ALG12: variants seen among roughly 807,000 people sequenced by gnomAD.
The protein encoded by ALG12 is ALG12 alpha-1,6-mannosyltransferase, also known as dol-P-Man:Man(7)GlcNAc(2)-PP-Dol alpha-1,6-mannosyltransferase.
A neutral mutation model predicts 46.0 loss-of-function variants in ALG12; 36 were observed. That is an observed-to-expected ratio of 0.78 (90% CI 0.60 to 1.03). The LOEUF is 1.03. ALG12 is among the 50% of genes least tolerant of loss of function. The pLI is 0.00. For synonymous variants in ALG12, 326 were observed against 291.6 expected (o/e 1.12, Z -1.20); for missense variants, 599 against 633.5 (o/e 0.95, Z 0.58).
chr22:49,885,551 C>T, the ALG12 span: 169 of 1,604,878 alleles, frequency 1.1e-4, no homozygotes, highest in South Asian at 1.5e-4. Flanking sequence ...ACCCGGGTGC[C>T]GCGGGGCACA....
chr22:49,867,368 C>T, the ALG12 span, among the ~76,000 whole-genome samples: 158 of 152,266 alleles, frequency 1.0e-3, no homozygotes, highest in African/African-American at 3.1e-3. Flanking sequence ...TGCCAGGCGG[C>T]GGTGGGAGCG....
the ALG12 span, chr22:49,885,949 G>C: frequency 4.0e-6 from 3 of 746,212 alleles, no homozygotes; most frequent in East Asian, 7.4e-5. Context: ...GCGCTGTGAC[G>C]ACCACCACTG....
chr22:49,866,473 A>G, the ALG12 span, among the ~76,000 whole-genome samples: 1 of 151,616 alleles, frequency 6.6e-6, no homozygotes, highest in African/African-American at 2.4e-5. Flanking sequence ...CTTCTTTTTT[A>G]GGTCTTCATT....
At chr22:49,879,088 T>G in the ALG12 span, among the ~76,000 whole-genome samples, 1 of 147,986 alleles carries the variant, frequency 6.8e-6, no homozygotes, top group Non-Finnish European at 1.5e-5. Flanking sequence ...GAGGTTGCAG[T>G]GAGCCGAGAT....
intron 3 of ALG12, among the ~76,000 whole-genome samples, chr22:49,912,107 G>C (rs1288327393): frequency 6.9e-6 from 1 of 145,114 alleles, no homozygotes; most frequent in African/African-American, 2.6e-5. Context: ...ATCACCCTCG[G>C]CCCCGGGATC....
chr22:49,883,459 G>T, the ALG12 span: 1 of 625,022 alleles, frequency 1.6e-6, no homozygotes, highest in Non-Finnish European at 2.5e-6. Context: ...CAGGACTCTT[G>T]GAAAGCAGTG....
Position 49,907,796 on chromosome 22 carries a change from G to C in ALG12, c.917C>G (p.Pro306Arg). 6.2e-7 allele frequency: 1 copy of C among 1,614,180 alleles called. No individual in the cohort carries two copies. Among genetic ancestry groups the C allele is most frequent in the Non-Finnish European group, 8.5e-7 (1 of 1,180,050 alleles). Residue 306 changes from proline to arginine, a missense_variant, in exon 7 of 10, where the codon CCA (proline) becomes CGA (arginine). Coordinates refer to ENST00000330817, the MANE Select transcript of ALG12 (RefSeq NM_024105.4). Reference protein sequence around the residue: ...LGFMALYSLLPHKELRFIIYA... With the variant: ...LGFMALYSLLRHKELRFIIYA... ...GATGATGAAGCGTAGCTCCTTGTGTGGCAGGAGGGAGTAGAGTGCCATGAA... is the reference window on the plus strand; with the variant it reads ...GATGATGAAGCGTAGCTCCTTGTGTCGCAGGAGGGAGTAGAGTGCCATGAA...
rs1302216478 is a variant in ALG12, at chr22:49,901,678, G to C, written c.*2160C>G. The C allele has an allele frequency of 1.3e-5, 2 of 148,150 alleles. No homozygotes were observed. The highest frequency in any genetic ancestry group is 5.2e-5 in the African/African-American group (2 of 38,758). The allele number at this position is 148,150 out of a possible 1,614,324, so 9.2% of individuals were successfully genotyped here. On this transcript the variant is annotated 3_prime_UTR_variant, in exon 10 of 10. Coordinates refer to ENST00000330817, the MANE Select transcript of ALG12 (RefSeq NM_024105.4). The stretch of plus-strand genomic sequence containing the variant: ...CATGCATGTATGGTGTGTATGCATG[G>C]TGTGCGCATCTGTGCATTGTGTGTG...
the ALG12 span, chr22:49,884,162 C>T: frequency 6.2e-7 from 1 of 1,613,030 alleles, no homozygotes. Context: ...GCACACCCGA[C>T]CGTGCTCATT....
chr22:49,886,020 G>A, the ALG12 span: 1 of 687,982 alleles, frequency 1.5e-6, no homozygotes, highest in Admixed American at 2.3e-5. The surrounding 1 kb of genome is among the most constrained non-coding windows in gnomAD (Gnocchi z 7.7). Flanking sequence ...GCATTCAGAA[G>A]CAGCTGGAGT....
downstream of ALG12, among the ~76,000 whole-genome samples, chr22:49,897,373 A>C (rs771470884): frequency 6.6e-6 from 1 of 152,158 alleles, no homozygotes; most frequent in East Asian, 1.9e-4. Context: ...ACAGGGTAAG[A>C]GTATGCTTAG....
the ALG12 span, chr22:49,887,181 C>A: frequency 6.2e-7 from 1 of 1,600,888 alleles, no homozygotes; most frequent in Non-Finnish European, 8.5e-7. Context: ...AGTATTGAAA[C>A]TCACGACGGC....
the ALG12 span, chr22:49,884,438 C>A: frequency 6.2e-7 from 1 of 1,614,204 alleles, no homozygotes; most frequent in Admixed American, 1.7e-5. Flanking sequence ...CCCCACCTCC[C>A]TGCTCTCCAT....
At position 49,901,584 on chromosome 22, in the gene ALG12, A is replaced by T. The variant is rs2060505775; in HGVS notation, c.*2254T>A. ...CGATTGCATTGTGTGGTGTGTATGC[A>T]TGGTGTGTGCACCTGTGCATTGTGT... On this transcript the variant is annotated 3_prime_UTR_variant, in exon 10 of 10. Coordinates refer to ENST00000330817, the MANE Select transcript of ALG12 (RefSeq NM_024105.4). 7.0e-6 allele frequency: 1 copy of T among 143,436 alleles called. No homozygotes were observed. The highest frequency in any genetic ancestry group is 7.1e-5 in the Admixed American group (1 of 14,160). The allele number at this position is 143,436 out of a possible 1,614,324, so 8.9% of individuals were successfully genotyped here.
the ALG12 span, among the ~76,000 whole-genome samples, chr22:49,891,809 T>C: frequency 6.6e-6 from 1 of 152,194 alleles, no homozygotes; most frequent in Non-Finnish European, 1.5e-5. Context: ...TTTGTCATAA[T>C]ATGCATTTTC....
chr22:49,873,979 G>C, the ALG12 span, among the ~76,000 whole-genome samples: 1 of 152,264 alleles, frequency 6.6e-6, no homozygotes, highest in South Asian at 2.1e-4. Flanking sequence ...GAGCTGGCCC[G>C]TGCCGAGAAC....
In ALG12 at chr22:49,904,334, C is replaced by T. The variant is rs762241504; in HGVS notation, c.1162+3G>A. 6.2e-7 allele frequency: 1 copy of T among 1,614,184 alleles called. No individual in the cohort carries two copies. Among genetic ancestry groups the T allele is most frequent in the Non-Finnish European group, 8.5e-7 (1 of 1,180,022 alleles). ...GTCCCCAGGCAGTGCCCCCAGCACCCACCTGTCTGGGGGGGCACCAGCTGG... is the reference window on the plus strand; with the variant it reads ...GTCCCCAGGCAGTGCCCCCAGCACCTACCTGTCTGGGGGGGCACCAGCTGG... On this transcript the variant is annotated splice_donor_region_variant and intron_variant, in intron 8 of 9. Coordinates refer to ENST00000330817, the MANE Select transcript of ALG12 (RefSeq NM_024105.4).
At chr22:49,873,414 A>G in the ALG12 span, among the ~76,000 whole-genome samples, 1 of 152,202 alleles carries the variant, frequency 6.6e-6, no homozygotes, top group East Asian at 1.9e-4. Context: ...TTATCAGTTA[A>G]GTTCACTGTC....
At position 49,905,164 on chromosome 22, in the gene ALG12, C is replaced by T. The variant is rs9627786; in HGVS notation, c.993-658G>A. Among the ~76,000 whole-genome samples, 2 of 152,186 alleles carry T rather than the reference C, an allele frequency of 1.3e-5. No homozygotes were observed. Among genetic ancestry groups the T allele is most frequent in the Non-Finnish European group, 2.9e-5 (2 of 68,032 alleles). On this transcript the variant is annotated intron_variant, in intron 7 of 9. Transcript: ENST00000330817. This position sits in a 1 kb window ranked among gnomAD's most constrained non-coding sequence, Gnocchi z 4.9. ...AGGGTGCCGCCGGTTCTCTCACAAT[C>T]GACTATGCCAATCTCAGGATCCTAC...
Sources: gnomAD v4.1 joint callset for allele counts (sites outside exome capture counted in the v4.1 genomes callset) on GRCh38, gnomAD v4.1.1 for gene constraint, Gnocchi (gnomAD v3.1) non-coding constraint, MANE v1.5 for transcripts, NCBI Gene and HGNC (gene_info 2026-07-23, HGNC 2026-07-21) for gene names.